The following TCF12 variants were observed in gnomAD, a reference collection of about 807,000 sequenced individuals.
TCF12 encodes transcription factor 12, also known as DNA-binding protein HTF4.
Under a neutral mutation model 86.0 loss-of-function variants are expected in TCF12, and 45 were observed. That is an observed-to-expected ratio of 0.52 (90% CI 0.41 to 0.67). The LOEUF (loss-of-function observed/expected upper bound fraction) is 0.67, where lower values mean the gene tolerates loss of function less well. Ranked by LOEUF, TCF12 falls within the 30% of genes least tolerant of loss-of-function variation. The pLI is 0.00. For missense variants in TCF12, 881 were observed against 859.9 expected, an observed-to-expected ratio of 1.02 and a Z score of -0.31; for synonymous variants, 330 against 299.6, an observed-to-expected ratio of 1.10 and a Z score of -1.05.
chr15:57,127,859 G>A (rs1031279895), intron 5 of TCF12, among the ~76,000 whole-genome samples: 6 of 152,032 alleles, frequency 3.9e-5, no homozygotes, highest in Non-Finnish European at 1.5e-5. Context: ...CCATCTAATG[G>A]GATGAAACAC....
At chr15:57,281,629 A>G (rs1270364077) in intron 19 of TCF12, 5 of 152,206 alleles carry the variant, frequency 3.3e-5, no homozygotes, top group African/African-American at 1.2e-4. Flanking sequence ...AGATTCTCAT[A>G]GGAGCATGAA....
intron 5 of TCF12, among the ~76,000 whole-genome samples, chr15:57,147,172 A>C (rs2053418488): frequency 6.6e-6 from 1 of 152,222 alleles, no homozygotes; most frequent in Admixed American, 6.5e-5. Context: ...TGAGGAAGTA[A>C]AAGTGAAATA....
intron 5 of TCF12, among the ~76,000 whole-genome samples, chr15:57,165,969 G>A (rs1309543737): frequency 6.6e-6 from 1 of 152,038 alleles, no homozygotes; most frequent in Non-Finnish European, 1.5e-5. Context: ...TCTTTTAAAT[G>A]TGTTTTAAAA....
At chr15:57,175,621 T>A (rs1388860946) in intron 6 of TCF12, among the ~76,000 whole-genome samples, 1 of 152,192 alleles carries the variant, frequency 6.6e-6, no homozygotes, top group Non-Finnish European at 1.5e-5. Context: ...AACCTAATAG[T>A]AGCCTCAGTC....
At chr15:56,974,952 A>C (rs1352633208) in intron 3 of TCF12, among the ~76,000 whole-genome samples, 1 of 152,156 alleles carries the variant, frequency 6.6e-6, no homozygotes, top group Non-Finnish European at 1.5e-5. Flanking sequence ...GTATTTGTTT[A>C]ATACATTTTA....
intron 4 of TCF12, among the ~76,000 whole-genome samples, chr15:57,088,977 T>C (rs530736420): frequency 1.3e-5 from 2 of 152,328 alleles, no homozygotes; most frequent in Admixed American, 1.3e-4. Context: ...AAAGTTATAC[T>C]ATGGGTGGGT....
At chr15:56,923,386 G>T (rs2059876357) in intron 3 of TCF12, among the ~76,000 whole-genome samples, 1 of 152,060 alleles carries the variant, frequency 6.6e-6, no homozygotes, top group South Asian at 2.1e-4. Context: ...AAAGATAAAG[G>T]TGTGTTTACT....
chr15:57,037,456 A>AACAG (rs2066581676), intron 3 of TCF12, among the ~76,000 whole-genome samples: 1 of 152,000 alleles, frequency 6.6e-6, no homozygotes, highest in Non-Finnish European at 1.5e-5. Context: ...CAAACAAACA[A>AACAG]ACAAGGTAGT....
chr15:57,201,059 A>G (rs539281388), intron 8 of TCF12, among the ~76,000 whole-genome samples: 37 of 152,280 alleles, frequency 2.4e-4, no homozygotes, highest in Admixed American at 2.0e-3. Context: ...AAGAATAGTG[A>G]GCATAGTTTT....
At chr15:57,063,702 C>A in intron 3 of TCF12, 48 bp from the exon 4 acceptor site, 1 of 1,539,186 alleles carries the variant, frequency 6.5e-7, no homozygotes, top group Non-Finnish European at 8.9e-7. Flanking sequence ...CAAAAAAATC[C>A]ACAAAAGTAT....
intron 3 of TCF12, among the ~76,000 whole-genome samples, chr15:57,000,675 T>A (rs555282077): frequency 1.1e-4 from 16 of 152,102 alleles, no homozygotes; most frequent in Non-Finnish European, 2.1e-4. Flanking sequence ...TCAGTGAACA[T>A]AAAAACTGGT....
intron 3 of TCF12, among the ~76,000 whole-genome samples, chr15:56,981,711 A>C (rs1273072628): frequency 1.3e-5 from 2 of 152,232 alleles, no homozygotes; most frequent in Admixed American, 6.5e-5. Flanking sequence ...GTTGACCAGA[A>C]GTCTTACTGA....
intron 3 of TCF12, among the ~76,000 whole-genome samples, chr15:56,979,046 T>G (rs1264668624): frequency 4.6e-5 from 7 of 152,344 alleles, no homozygotes; most frequent in Non-Finnish European, 1.5e-5. Flanking sequence ...TTTAGTCTGT[T>G]AATTCTTTTA....
chr15:56,945,527 T>C (rs2060957286), intron 3 of TCF12, among the ~76,000 whole-genome samples: 1 of 152,148 alleles, frequency 6.6e-6, no homozygotes. Context: ...TATAGAATTC[T>C]AGATTGACCT....
intron 3 of TCF12, among the ~76,000 whole-genome samples, chr15:57,015,074 G>T (rs1422345236): frequency 6.6e-6 from 1 of 151,784 alleles, no homozygotes; most frequent in Admixed American, 6.6e-5. Flanking sequence ...AGATTGCTTG[G>T]GCTCAGGAGT....
intron 14 of TCF12, chr15:57,252,178 A>G (rs2152013648): frequency 5.1e-6 from 2 of 392,718 alleles, no homozygotes; most frequent in South Asian, 8.1e-5. Context: ...TTTAAATTGA[A>G]GGAACGTTTG....
intron 4 of TCF12, among the ~76,000 whole-genome samples, chr15:57,091,063 A>G (rs2048964285): frequency 1.3e-5 from 2 of 152,242 alleles, no homozygotes; most frequent in South Asian, 4.1e-4. Flanking sequence ...AAGTAACATT[A>G]GCTTTATTGT....
chr15:57,191,733 T>A (rs2056988413), intron 6 of TCF12, among the ~76,000 whole-genome samples: 1 of 151,622 alleles, frequency 6.6e-6, no homozygotes, highest in Non-Finnish European at 1.5e-5. Flanking sequence ...AGGTCAGGAG[T>A]TTGAGTCCAG....
chr15:56,931,777 C>G (rs1047847820), intron 3 of TCF12, among the ~76,000 whole-genome samples: 21 of 152,122 alleles, frequency 1.4e-4, no homozygotes, highest in African/African-American at 4.3e-4. Flanking sequence ...TTAATATAAA[C>G]TAAGAAAGTA....
Sources: gnomAD v4.1 joint callset for allele counts (sites outside exome capture counted in the v4.1 genomes callset) on GRCh38, gnomAD v4.1.1 for gene constraint, MANE v1.5 for transcripts, NCBI Gene and HGNC (gene_info 2026-07-23, HGNC 2026-07-21) for gene names.